Variants in ADCY2 observed in about 807,000 individuals in gnomAD.
ADCY2 encodes the protein adenylate cyclase 2.
Under a neutral mutation model 125.2 loss-of-function variants are expected in ADCY2, and 31 were observed. That is an observed-to-expected ratio of 0.25 (90% CI 0.19 to 0.33). The LOEUF (loss-of-function observed/expected upper bound fraction) is 0.33, where lower values mean the gene tolerates loss of function less well. Ranked by LOEUF, ADCY2 falls within the 10% of genes least tolerant of loss-of-function variation. ADCY2 has a pLI of 1.00. For missense variants in ADCY2, 904 were observed against 1,418.2 expected (o/e 0.64, Z 5.82); for synonymous variants, 512 against 548.4 (o/e 0.93, Z 0.93).
chr5:7,470,776 G>T (rs72709159), intron 2 of ADCY2, among the ~76,000 whole-genome samples: 1 of 151,348 alleles, frequency 6.6e-6, no homozygotes. Flanking sequence ...GTTCTGTAAA[G>T]GAATTAGGGT....
intron 16 of ADCY2, among the ~76,000 whole-genome samples, chr5:7,762,946 G>C (rs1743270388): frequency 6.6e-6 from 1 of 152,100 alleles, no homozygotes; most frequent in Admixed American, 6.5e-5. Context: ...AAACTTCATC[G>C]TTTTAAAGAC....
At chr5:7,564,944 A>T (rs1735842822) in intron 3 of ADCY2, among the ~76,000 whole-genome samples, 1 of 152,252 alleles carries the variant, frequency 6.6e-6, no homozygotes, top group Non-Finnish European at 1.5e-5. Context: ...TCAAGAACAC[A>T]CATCATTACA....
At chr5:7,567,959 C>CTCTCTG (rs1448319186) in intron 3 of ADCY2, among the ~76,000 whole-genome samples, 2 of 149,628 alleles carry the variant, frequency 1.3e-5, no homozygotes, top group African/African-American at 2.4e-5. Context: ...CTCTCTCTCT[C>CTCTCTG]TCTGTCAGAT....
intron 18 of ADCY2, among the ~76,000 whole-genome samples, chr5:7,780,022 A>T (rs1478214921): frequency 6.6e-6 from 1 of 152,168 alleles, no homozygotes; most frequent in African/African-American, 2.4e-5. Flanking sequence ...CAGTGGCTCA[A>T]GTTTGGGAGA....
At chr5:7,513,893 A>G (rs967080615) in intron 2 of ADCY2, among the ~76,000 whole-genome samples, 2 of 152,190 alleles carry the variant, frequency 1.3e-5, no homozygotes, top group African/African-American at 4.8e-5. Flanking sequence ...TATAAAATAC[A>G]TTATGTTCAC....
intron 3 of ADCY2, among the ~76,000 whole-genome samples, chr5:7,614,864 G>C (rs926412219): frequency 6.6e-6 from 1 of 152,204 alleles, no homozygotes; most frequent in Non-Finnish European, 1.5e-5. Context: ...CCAGGTTCTA[G>C]CAACATGTCC....
chr5:7,612,981 A>ACTCCAGTC, intron 3 of ADCY2, among the ~76,000 whole-genome samples: 1 of 152,156 alleles, frequency 6.6e-6, no homozygotes, highest in South Asian at 2.1e-4. Context: ...GCACCACTGC[A>ACTCCAGTC]CTCCAGTCCT....
At chr5:7,511,657 T>G (rs959036590) in intron 2 of ADCY2, among the ~76,000 whole-genome samples, 12 of 152,038 alleles carry the variant, frequency 7.9e-5, no homozygotes, top group African/African-American at 2.7e-4. Flanking sequence ...GGATTCTCTC[T>G]GGGGAGGTGA....
Position 7,527,076 on chromosome 5 carries a change from G to A in ADCY2, c.570+6177G>A, listed in dbSNP as rs949789635. 2.0e-5 allele frequency among the ~76,000 whole-genome samples: 3 copies of A among 152,152 alleles called. 1 individual carries two copies. Among genetic ancestry groups the A allele is most frequent in the Non-Finnish European group, 4.4e-5 (3 of 68,034 alleles). ...TCTTTTTTGCTTACCATCATATCAA[G>A]GCAAAGGGAAATTGGGACTAGGAAA... On this transcript the variant is annotated intron_variant, in intron 3 of 24. Transcript: ENST00000338316.
rs898131298 is a variant in ADCY2 at position 7,494,934 on chromosome 5, G to C, written c.409-25804G>C. Among the ~76,000 whole-genome samples, 3 of 152,188 alleles carry C rather than the reference G, an allele frequency of 2.0e-5. No individual in the cohort carries two copies. In the East Asian group the frequency reaches 5.8e-4, roughly 29 times the overall value. ...ACCAAGCTTCTCTGAGAGAACACCG[G>C]ACCAGCTGCCATGTTGTGGATGTGC... is the stretch of plus-strand genomic sequence containing the variant. On this transcript the variant is annotated intron_variant, in intron 2 of 24. Coordinates refer to ENST00000338316, the MANE Select transcript of ADCY2 (RefSeq NM_020546.3).
rs1740688449 is a variant in ADCY2 at position 7,691,151 on chromosome 5, C to T, written c.869+312C>T. On this transcript the variant is annotated intron_variant, in intron 5 of 24. Transcript: ENST00000338316. ...AGCGGGGTCTTCATTCTGGAAACCC[C>T]GTGGTCAGATTGCAGTAAGATTGGA... is the stretch of plus-strand genomic sequence containing the variant. 5 of 177,598 alleles carry T rather than the reference C, an allele frequency of 2.8e-5. No individual in the cohort carries two copies. The East Asian group carries it at 5.6e-4, about 20-fold the overall frequency. The allele number at this position is 177,598 out of a possible 1,614,324, so 11.0% of individuals were successfully genotyped here.
At chr5:7,764,062 A>G (rs1173013622) in intron 16 of ADCY2, among the ~76,000 whole-genome samples, 1 of 152,214 alleles carries the variant, frequency 6.6e-6, no homozygotes, top group Non-Finnish European at 1.5e-5. Context: ...GGCTTTTTAA[A>G]TCTCATTACT....
At chr5:7,554,243 G>A (rs1462874007) in intron 3 of ADCY2, among the ~76,000 whole-genome samples, 2 of 152,096 alleles carry the variant, frequency 1.3e-5, no homozygotes, top group South Asian at 2.1e-4. Context: ...TCTTTCAAAC[G>A]AAAAGTAAGT....
intron 2 of ADCY2, among the ~76,000 whole-genome samples, chr5:7,417,005 T>C (rs1201527422): frequency 6.6e-6 from 1 of 152,238 alleles, no homozygotes; most frequent in East Asian, 1.9e-4. Context: ...GGTTCTGGAT[T>C]TAAATTATAT....
chr5:7,556,409 G>A (rs571426719), intron 3 of ADCY2, among the ~76,000 whole-genome samples: 12 of 152,272 alleles, frequency 7.9e-5, no homozygotes, highest in African/African-American at 2.9e-4. Context: ...GTAAATTTGT[G>A]AATAAATTTG....
chr5:7,634,062 C>T (rs1173443817), intron 4 of ADCY2, among the ~76,000 whole-genome samples: 1 of 152,132 alleles, frequency 6.6e-6, no homozygotes. Flanking sequence ...TCTGTGATTG[C>T]CATCATATTT....
chr5:7,708,822 A>G (rs148719626), intron 9 of ADCY2, among the ~76,000 whole-genome samples: 1 of 152,280 alleles, frequency 6.6e-6, no homozygotes, highest in African/African-American at 2.4e-5. Flanking sequence ...CATTACGTTC[A>G]GGTAAAGAAC....
At chr5:7,663,431 G>A (rs1159331718) in intron 4 of ADCY2, among the ~76,000 whole-genome samples, 2 of 152,262 alleles carry the variant, frequency 1.3e-5, no homozygotes, top group Non-Finnish European at 2.9e-5. Flanking sequence ...ACCTCCCACG[G>A]GGGGGCCTGG....
chr5:7,722,035 T>C (rs887846875), intron 12 of ADCY2, among the ~76,000 whole-genome samples: 1 of 152,204 alleles, frequency 6.6e-6, no homozygotes, highest in African/African-American at 2.4e-5. Flanking sequence ...TTCTTAATTC[T>C]GAAGACAAGG....
Sources: gnomAD v4.1 joint callset for allele counts (sites outside exome capture counted in the v4.1 genomes callset) on GRCh38, gnomAD v4.1.1 for gene constraint, MANE v1.5 for transcripts, NCBI Gene and HGNC (gene_info 2026-07-23, HGNC 2026-07-21) for gene names.